LDB2: variants seen among roughly 807,000 people sequenced by gnomAD.
The protein encoded by LDB2 is LIM domain binding 2.
Under a neutral mutation model 44.3 loss-of-function variants are expected in LDB2, and 12 were observed. The observed-to-expected ratio is 0.27, with a 90% CI of 0.17 to 0.44. LDB2 has a LOEUF of 0.44. Ranked by LOEUF, LDB2 falls within the 20% of genes least tolerant of loss-of-function variation. The pLI is 1.00. For missense variants in LDB2, 344 were observed against 473.5 expected (o/e 0.73, Z 2.54); for synonymous variants, 164 against 174.8 (o/e 0.94, Z 0.49).
chr4:16,588,821 T>C lies in LDB2; in HGVS notation c.420A>G (p.Glu140=). The change falls in exon 4 of 8, where the codon GAA becomes GAG. Residue 140 remains glutamate (E), a synonymous_variant. Transcript: ENST00000304523. ...GKPMFTKVCT[E]GRLILEFTFD... ...AGGTGAACTCCAAGATCAGTCTGCCTTCTGTACATACCTGGAAGTGACAAA... is the reference window on the plus strand; with the variant it reads ...AGGTGAACTCCAAGATCAGTCTGCCCTCTGTACATACCTGGAAGTGACAAA... 6.2e-7 allele frequency: 1 copy of C among 1,613,904 alleles called. No homozygotes were observed. Among genetic ancestry groups the C allele is most frequent in the Non-Finnish European group, 8.5e-7 (1 of 1,179,926 alleles).
intron 1 of LDB2, among the ~76,000 whole-genome samples, chr4:16,789,742 C>T (rs893076622): frequency 6.6e-6 from 1 of 152,090 alleles, no homozygotes; most frequent in African/African-American, 2.4e-5. Flanking sequence ...CCATCCTGGC[C>T]AATATGGTGA....
At chr4:16,806,599 A>G (rs1778835138) in intron 1 of LDB2, among the ~76,000 whole-genome samples, 1 of 145,620 alleles carries the variant, frequency 6.9e-6, no homozygotes, top group Non-Finnish European at 1.5e-5. Context: ...ATATCTGAAA[A>G]ACTACTTTTG....
At chr4:16,876,263 T>C (rs1432794066) in intron 1 of LDB2, among the ~76,000 whole-genome samples, 1 of 152,238 alleles carries the variant, frequency 6.6e-6, no homozygotes, top group East Asian at 1.9e-4. Context: ...CTGAGTTGAT[T>C]GATAATTTAT....
At chr4:16,522,276 T>TTGTGTGCGTGTGTGTG (rs1553878108) in intron 5 of LDB2, among the ~76,000 whole-genome samples, 20 of 150,234 alleles carry the variant, frequency 1.3e-4, no homozygotes, top group African/African-American at 4.2e-4. Context: ...GTGTGTGTGT[T>TTGTGTGCGTGTGTGTG]TGTGTGTGTG....
intron 2 of LDB2, among the ~76,000 whole-genome samples, 179 bp downstream of exon 2, chr4:16,758,979 C>A (rs1579395813): frequency 6.6e-6 from 1 of 152,248 alleles, no homozygotes; most frequent in East Asian, 1.9e-4. Context: ...CGAAGGAAAC[C>A]TGTCAGAGCC....
In LDB2 at chr4:16,810,679, T is replaced by C. The variant is rs1302401078; in HGVS notation, c.133-51419A>G. Among the ~76,000 whole-genome samples the C allele has an allele frequency of 6.2e-5, 2 of 32,460 alleles. 1 individual carries two copies. Among genetic ancestry groups the C allele is most frequent in the African/African-American group, 1.0e-4 (2 of 19,092 alleles). 21.3% of individuals were successfully genotyped at this position (32,460 alleles called of 152,430 possible). The stretch of plus-strand genomic sequence containing the variant: ...TCTTATTTGAAAAGTTGATGAAAAC[T>C]ATTAATACCGCCCTTAGAAAGACGA... On this transcript the variant is annotated intron_variant, in intron 1 of 7. Coordinates refer to ENST00000304523, the MANE Select transcript of LDB2 (RefSeq NM_001290.5).
chr4:16,717,670 C>A (rs183697861), intron 2 of LDB2, among the ~76,000 whole-genome samples: 3 of 152,248 alleles, frequency 2.0e-5, no homozygotes, highest in East Asian at 1.9e-4. Context: ...ACTTTATATG[C>A]AATTATTATG....
chr4:16,877,786 C>T (rs1204205345), intron 1 of LDB2, among the ~76,000 whole-genome samples: 1 of 152,070 alleles, frequency 6.6e-6, no homozygotes, highest in Non-Finnish European at 1.5e-5. Context: ...TGCTTAGTAA[C>T]CTTGGAAGAG....
intron 1 of LDB2, among the ~76,000 whole-genome samples, chr4:16,812,814 C>T (rs1048141581): frequency 7.9e-5 from 12 of 151,624 alleles, no homozygotes; most frequent in East Asian, 3.9e-4. Flanking sequence ...AAATGCACAA[C>T]GATAATTGTA....
At chr4:16,681,618 C>CTTTTT (rs536589787) in intron 2 of LDB2, among the ~76,000 whole-genome samples, 95 of 61,708 alleles carry the variant, frequency 1.5e-3, no homozygotes, top group East Asian at 5.5e-3. Flanking sequence ...GTATTCTATT[C>CTTTTT]TTTTTTTTTT....
chr4:16,569,641 C>G (rs894642238), intron 5 of LDB2, among the ~76,000 whole-genome samples: 8 of 152,132 alleles, frequency 5.3e-5, no homozygotes, highest in Non-Finnish European at 2.9e-5. Flanking sequence ...GGCAGATAAA[C>G]CTGGGTCAGC....
intron 1 of LDB2, among the ~76,000 whole-genome samples, chr4:16,824,939 G>A (rs548929965): frequency 6.6e-6 from 1 of 152,332 alleles, no homozygotes; most frequent in African/African-American, 2.4e-5. Context: ...ATTACACTGT[G>A]ATGTCATACA....
intron 2 of LDB2, among the ~76,000 whole-genome samples, chr4:16,691,876 A>G (rs2152600351): frequency 6.6e-6 from 1 of 152,296 alleles, no homozygotes; most frequent in Non-Finnish European, 1.5e-5. Context: ...TCTCTGCTTA[A>G]ATTAATAATC....
intron 7 of LDB2, among the ~76,000 whole-genome samples, chr4:16,504,843 C>T (rs1247228775): frequency 1.3e-5 from 2 of 152,198 alleles, no homozygotes; most frequent in East Asian, 1.9e-4. Context: ...CTAGGTTGTA[C>T]AGAGCATGAC....
intron 2 of LDB2, among the ~76,000 whole-genome samples, chr4:16,733,536 C>T (rs1261156398): frequency 6.6e-6 from 1 of 152,118 alleles, no homozygotes; most frequent in Non-Finnish European, 1.5e-5. Context: ...CTCTGGGTTA[C>T]AAAACCAAAC....
chr4:16,666,689 C>T (rs1368636733), intron 2 of LDB2, among the ~76,000 whole-genome samples: 2 of 152,076 alleles, frequency 1.3e-5, no homozygotes, highest in African/African-American at 4.8e-5. Context: ...GGAGACATGC[C>T]CTTGGAAAGA....
chr4:16,861,706 G>A (rs1164583402), intron 1 of LDB2, among the ~76,000 whole-genome samples: 1 of 152,106 alleles, frequency 6.6e-6, no homozygotes, highest in Non-Finnish European at 1.5e-5. Context: ...GCTTTTTGTG[G>A]CCTCCAGCCA....
chr4:16,723,683 G>A (rs1349266846), intron 2 of LDB2, among the ~76,000 whole-genome samples: 1 of 152,072 alleles, frequency 6.6e-6, no homozygotes, highest in Admixed American at 6.6e-5. Context: ...TGGACCTTCT[G>A]GATGTTTCTT....
intron 1 of LDB2, 52 bp downstream of exon 1, chr4:16,898,302 T>C (rs1456429304): frequency 1.9e-6 from 3 of 1,573,802 alleles, no homozygotes; most frequent in East Asian, 4.5e-5. Flanking sequence ...GAAAAGCTCA[T>C]GCATAGCTTA....
Sources: allele counts gnomAD v4.1 joint callset (sites outside exome capture counted in the v4.1 genomes callset), GRCh38; gene constraint gnomAD v4.1.1; transcripts MANE v1.5; gene names NCBI Gene and HGNC (gene_info 2026-07-23, HGNC 2026-07-21).